The following THSD7B variants were observed in gnomAD, a reference collection of about 807,000 sequenced individuals.
THSD7B encodes the protein thrombospondin type-1 domain-containing protein 7B.
In THSD7B, 138 loss-of-function variants were observed where a neutral mutation model predicts 213.6. That is an observed-to-expected ratio of 0.65 (90% CI 0.56 to 0.74). The LOEUF (loss-of-function observed/expected upper bound fraction) is 0.74, where lower values mean the gene tolerates loss of function less well. THSD7B is among the 30% of genes least tolerant of loss of function. THSD7B has a pLI of 0.00. For missense variants in THSD7B, 1,931 were observed against 1,991.5 expected, an observed-to-expected ratio of 0.97 and a Z score of 0.58; for synonymous variants, 742 against 687.0, an observed-to-expected ratio of 1.08 and a Z score of -1.25.
chr2:136,827,461 G>C (rs1373840331), intron 1 of THSD7B, among the ~76,000 whole-genome samples: 1 of 152,186 alleles, frequency 6.6e-6, no homozygotes, highest in African/African-American at 2.4e-5. Context: ...ATACACCAGA[G>C]GATGAAAGCA....
At chr2:137,057,634 A>G (rs1687196442) in intron 3 of THSD7B, among the ~76,000 whole-genome samples, 1 of 152,152 alleles carries the variant, frequency 6.6e-6, no homozygotes, top group African/African-American at 2.4e-5. Context: ...TTTTCAGAAC[A>G]TTTGTCCTTT....
intron 15 of THSD7B, among the ~76,000 whole-genome samples, chr2:137,530,048 C>T (rs1462418876): frequency 2.0e-5 from 3 of 152,000 alleles, no homozygotes; most frequent in Non-Finnish European, 4.4e-5. Context: ...TTCTTGAGTA[C>T]ATCTGGGCGA....
At chr2:137,366,619 AC>A (rs534472652) in intron 12 of THSD7B, among the ~76,000 whole-genome samples, 1 of 150,876 alleles carries the variant, frequency 6.6e-6, no homozygotes, top group Admixed American at 6.6e-5. Context: ...CTATTGACAT[AC>A]AATCGTAAAA....
In THSD7B at chr2:136,878,385, C is replaced by T. The variant is rs185360899; in HGVS notation, c.-35-3759C>T. Among the ~76,000 whole-genome samples the T allele has an allele frequency of 6.6e-5, 10 of 152,240 alleles. No homozygotes were observed. The East Asian group carries it at 9.6e-4, about 15-fold the overall frequency. On this transcript the variant is annotated intron_variant, in intron 1 of 27. Coordinates refer to ENST00000409968, the MANE Select transcript of THSD7B (RefSeq NM_001316349.2). ...TAGTGCCACAATAAACATACGTGTG[C>T]GTGTGTCTTTATAGCAGCATGACTT... is the stretch of plus-strand genomic sequence containing the variant.
intron 20 of THSD7B, among the ~76,000 whole-genome samples, chr2:137,622,850 CA>C (rs1208349682): frequency 1.3e-5 from 2 of 151,896 alleles, no homozygotes; most frequent in Non-Finnish European, 2.9e-5. Flanking sequence ...GACTACCAAC[CA>C]AAAAAAGTCC....
intron 16 of THSD7B, among the ~76,000 whole-genome samples, chr2:137,567,568 G>A (rs2105229233): frequency 6.6e-6 from 1 of 152,268 alleles, no homozygotes; most frequent in East Asian, 1.9e-4. Context: ...AATCGATTTA[G>A]TAAAAGTGAA....
chr2:137,418,393 G>A (rs1686845096), intron 14 of THSD7B, among the ~76,000 whole-genome samples: 1 of 151,890 alleles, frequency 6.6e-6, no homozygotes, highest in African/African-American at 2.4e-5. Context: ...CCTTAGAATG[G>A]GATACAAGCC....
intron 3 of THSD7B, among the ~76,000 whole-genome samples, chr2:137,077,647 C>A (rs755070899): frequency 6.6e-6 from 1 of 151,992 alleles, no homozygotes; most frequent in Non-Finnish European, 1.5e-5. Context: ...CTGTTCATAT[C>A]CTTCGCCCAC....
intron 12 of THSD7B, among the ~76,000 whole-genome samples, chr2:137,365,570 A>G (rs1573986262): frequency 6.6e-6 from 1 of 152,366 alleles, no homozygotes; most frequent in Middle Eastern, 3.4e-3. Context: ...CCCATCAAAA[A>G]GTGGGCAAGG....
At chr2:137,079,138 G>A (rs1320522851) in intron 3 of THSD7B, among the ~76,000 whole-genome samples, 3 of 151,872 alleles carry the variant, frequency 2.0e-5, no homozygotes, top group East Asian at 1.9e-4. Flanking sequence ...GGGCAACATA[G>A]TGAGAATCCA....
intron 1 of THSD7B, among the ~76,000 whole-genome samples, chr2:136,799,732 G>T (rs1235927836): frequency 6.6e-6 from 1 of 151,844 alleles, no homozygotes; most frequent in Non-Finnish European, 1.5e-5. Flanking sequence ...GAAAGAAATA[G>T]AACTTTCAGA....
At chr2:136,884,721 A>G (rs1683687187) in intron 2 of THSD7B, among the ~76,000 whole-genome samples, 1 of 152,250 alleles carries the variant, frequency 6.6e-6, no homozygotes, top group African/African-American at 2.4e-5. Context: ...AATATTACAT[A>G]TTAATGCACA....
chr2:137,156,834 CTT>C (rs1470649707), intron 5 of THSD7B, among the ~76,000 whole-genome samples: 3 of 152,074 alleles, frequency 2.0e-5, no homozygotes, highest in Non-Finnish European at 2.9e-5. Context: ...TGATTGAGTA[CTT>C]TGAACTGCAG....
chr2:137,202,731 A>T (rs1680903368), intron 7 of THSD7B, among the ~76,000 whole-genome samples: 1 of 152,182 alleles, frequency 6.6e-6, no homozygotes, highest in Non-Finnish European at 1.5e-5. Flanking sequence ...ACACACCAAG[A>T]ATCAGCAAAT....
chr2:136,945,027 C>T (rs1269251823), intron 2 of THSD7B, among the ~76,000 whole-genome samples: 2 of 152,046 alleles, frequency 1.3e-5, no homozygotes, highest in South Asian at 2.1e-4. Flanking sequence ...TGGCTGGTAC[C>T]GGTTGTTCCT....
intron 15 of THSD7B, among the ~76,000 whole-genome samples, chr2:137,451,823 G>GT (rs557803017): frequency 6.6e-6 from 1 of 151,926 alleles, no homozygotes; most frequent in Non-Finnish European, 1.5e-5. Flanking sequence ...TTGATTAAAA[G>GT]TTTTTTTTAT....
chr2:137,600,676 T>G (rs947073993), intron 17 of THSD7B, among the ~76,000 whole-genome samples: 2 of 152,196 alleles, frequency 1.3e-5, no homozygotes, highest in African/African-American at 2.4e-5. Context: ...GGGAAGAGGT[T>G]GCAGTGAGCT....
intron 2 of THSD7B, among the ~76,000 whole-genome samples, chr2:137,003,730 A>G (rs1170853372): frequency 6.6e-6 from 1 of 152,154 alleles, no homozygotes; most frequent in African/African-American, 2.4e-5. Flanking sequence ...AGGCCTCTCC[A>G]TGCATTTGCT....
intron 4 of THSD7B, among the ~76,000 whole-genome samples, chr2:137,100,396 A>G (rs903375337): frequency 7.2e-5 from 11 of 151,832 alleles, no homozygotes; most frequent in Admixed American, 3.3e-4. Flanking sequence ...TTTCAAAACT[A>G]TTGGGTTGCT....
Sources: allele counts gnomAD v4.1 joint callset (sites outside exome capture counted in the v4.1 genomes callset), GRCh38; gene constraint gnomAD v4.1.1; transcripts MANE v1.5; gene names NCBI Gene and HGNC (gene_info 2026-07-23, HGNC 2026-07-21).